The following THNSL1 variants were observed in gnomAD, a reference collection of about 807,000 sequenced individuals.
The protein encoded by THNSL1 is threonine synthase-like 1.
THNSL1 carries 48 observed loss-of-function variants against 50.4 expected under a neutral mutation model. The observed-to-expected ratio is 0.95, with a 90% CI of 0.76 to 1.21. THNSL1 has a LOEUF of 1.21. Among genes scored for constraint, THNSL1 ranks in the 50% most tolerant of loss-of-function variants. The probability of loss-of-function intolerance (pLI) is 0.00; values close to 1 mark genes in which losing one functional copy is unlikely to be tolerated. For missense variants in THNSL1, 896 were observed against 871.7 expected (o/e 1.03, Z -0.35); for synonymous variants, 309 against 306.1 (o/e 1.01, Z -0.10).
At position 25,018,666 on chromosome 10, in the gene THNSL1, T is replaced by G. The variant is rs1453082368; in HGVS notation, c.-216+1974T>G. ...CATAAACAAATGAGAGTTGTTTTTT[T>G]TTTTTTTTTTTTTGCGAAGGATTAT... On this transcript the variant is annotated intron_variant, in intron 1 of 2. Transcript: ENST00000376356. 1.2e-3 allele frequency among the ~76,000 whole-genome samples: 178 copies of G among 151,260 alleles called. 3 individuals carry two copies. The highest frequency in any genetic ancestry group is 4.1e-3 in the African/African-American group (170 of 41,302).
chr10:25,023,265 A>G lies in THNSL1; in HGVS notation c.42A>G (p.Thr14=). 1 of 1,613,866 alleles carries G rather than the reference A, an allele frequency of 6.2e-7. No homozygotes were observed. Among genetic ancestry groups the G allele is most frequent in the Non-Finnish European group, 8.5e-7 (1 of 1,179,886 alleles). Residue 14 remains threonine, a synonymous_variant, in exon 3 of 3, where the codon ACA becomes ACG. Transcript: ENST00000376356. ...GATGTCATCATCTGAAAAAGATAACACAGAAATGTTTTTCTAGTATACATG... is the reference window on the plus strand; with the variant it reads ...GATGTCATCATCTGAAAAAGATAACGCAGAAATGTTTTTCTAGTATACATG... The part of the protein sequence containing the change: ...FNRCHHLKKI[T]QKCFSSIHVK...
In THNSL1 at chr10:25,024,204, T is replaced by C. The variant is rs901431686; in HGVS notation, c.981T>C (p.Ile327=). The C allele has an allele frequency of 9.9e-6, 16 of 1,614,112 alleles. No individual in the cohort carries two copies. In the Admixed American group the frequency reaches 2.0e-4, roughly 20 times the overall value. The change falls in exon 3 of 3, where the codon ATT becomes ATC. Residue 327 remains isoleucine (I), a synonymous_variant. Coordinates refer to ENST00000376356, the MANE Select transcript of THNSL1 (RefSeq NM_024838.5). Reference sequence around the variant, plus strand: ...GGGAAAACTTTGCCTGCTCAAAAATTGCTCCTGTCAGGCACCTTTCAGGCA... The same window carrying C: ...GGGAAAACTTTGCCTGCTCAAAAATCGCTCCTGTCAGGCACCTTTCAGGCA... ...AYGENFACSK[I]APVRHLSGNQ...
At position 25,025,066 on chromosome 10, in the gene THNSL1, G is replaced by A. The variant is rs778067840; in HGVS notation, c.1843G>A (p.Val615Ile). ...ALVEKLQQDF[V>I]ADWCSEGECL... ...AGTTGAGAAACTTCAGCAGGATTTT[G>A]TAGCTGACTGGTGCTCTGAGGGAGA... The change falls in exon 3 of 3, where the codon GTA (valine) becomes ATA (isoleucine). Residue 615 changes from valine to isoleucine, a missense_variant. Physicochemically the swap from Val to Ile is conservative, Grantham distance 29 (BLOSUM62 3). Transcript: ENST00000376356. The A allele has an allele frequency of 1.1e-5, 18 of 1,614,072 alleles. No individual in the cohort carries two copies. Among genetic ancestry groups the A allele is most frequent in the South Asian group, 2.2e-5 (2 of 91,084 alleles).
chr10:24,974,567 A>G, the THNSL1 span, among the ~76,000 whole-genome samples: 1 of 152,222 alleles, frequency 6.6e-6, no homozygotes, highest in Non-Finnish European at 1.5e-5. Context: ...TGCAGATTTT[A>G]CAAAGTGGAT....
At chr10:24,991,731 A>G in the THNSL1 span, among the ~76,000 whole-genome samples, 4 of 152,196 alleles carry the variant, frequency 2.6e-5, no homozygotes, top group Admixed American at 6.5e-5. Flanking sequence ...CTTCAAGTAT[A>G]CCAAGGCAAG....
At position 25,024,321 on chromosome 10, in the gene THNSL1, C is replaced by G; in HGVS notation, c.1098C>G (p.Ile366Met). The G allele has an allele frequency of 6.2e-7, 1 of 1,614,122 alleles. No individual in the cohort carries two copies. The highest frequency in any genetic ancestry group is 8.5e-7 in the Non-Finnish European group (1 of 1,180,022). The part of the protein sequence containing the change: ...QLMPHIFAHC[I>M]PPSCNYMILV... ...TGCCTCATATTTTTGCACACTGTAT[C>G]CCACCAAGTTGCAATTATATGATAC... Residue 366 changes from isoleucine to methionine, a missense_variant, in exon 3 of 3, where the codon ATC becomes ATG. By Grantham distance (10) the Ile-to-Met change is conservative (BLOSUM62 1). Coordinates refer to ENST00000376356, the MANE Select transcript of THNSL1 (RefSeq NM_024838.5).
chr10:24,960,703 A>G, the THNSL1 span, among the ~76,000 whole-genome samples: 2 of 151,102 alleles, frequency 1.3e-5, no homozygotes, highest in African/African-American at 4.9e-5. Context: ...CACCCTCACC[A>G]CGCCTAATCC....
chr10:24,966,560 C>T, the THNSL1 span, among the ~76,000 whole-genome samples: 1 of 152,210 alleles, frequency 6.6e-6, no homozygotes, highest in Non-Finnish European at 1.5e-5. Context: ...GAATCACACT[C>T]TGTTAGAATG....
At chr10:24,995,839 T>G in the THNSL1 span, 2 of 1,610,792 alleles carry the variant, frequency 1.2e-6, no homozygotes, top group Non-Finnish European at 1.7e-6. Context: ...CACAGCAGGC[T>G]TTTTGGGCAC....
At chr10:24,973,456 A>G in the THNSL1 span, among the ~76,000 whole-genome samples, 1 of 152,226 alleles carries the variant, frequency 6.6e-6, no homozygotes, top group Non-Finnish European at 1.5e-5. Context: ...CATGCAGTTT[A>G]AAACATATGG....
the THNSL1 span, among the ~76,000 whole-genome samples, chr10:24,967,934 GTA>G: frequency 6.7e-6 from 1 of 149,112 alleles, no homozygotes; most frequent in African/African-American, 2.4e-5. Flanking sequence ...TGATGTGTGT[GTA>G]TATGTGTGTA....
At chr10:25,009,255 T>TA in the THNSL1 span, among the ~76,000 whole-genome samples, 5,707 of 147,930 alleles carry the variant, frequency 0.039, 248 homozygotes, top group African/African-American at 0.11. Context: ...TAGAGTATAA[T>TA]AAAAAAAAAA....
At position 25,024,053 on chromosome 10, in the gene THNSL1, G is replaced by A. The variant is rs1048534104; in HGVS notation, c.830G>A (p.Cys277Tyr). ...VPAKEFPKLS[C>Y]GEWKSLVGAT... Reference sequence around the variant, plus strand: ...GCAAAGGAGTTTCCAAAATTAAGCTGCGGGGAGTGGAAAAGCCTAGTAGGA... The same window carrying A: ...GCAAAGGAGTTTCCAAAATTAAGCTACGGGGAGTGGAAAAGCCTAGTAGGA... The change falls in exon 3 of 3, where the codon TGC becomes TAC. Residue 277 changes from cysteine to tyrosine, a missense_variant. Coordinates refer to ENST00000376356, the MANE Select transcript of THNSL1 (RefSeq NM_024838.5). The A allele has an allele frequency of 3.7e-6, 6 of 1,614,212 alleles. No individual in the cohort carries two copies. The Admixed American group carries it at 5.0e-5, about 13-fold the overall frequency.
the THNSL1 span, chr10:24,984,762 C>T: frequency 5.0e-6 from 8 of 1,611,972 alleles, no homozygotes; most frequent in South Asian, 7.8e-5. Flanking sequence ...TAATCTTGTG[C>T]TTTTCAATTA....
In THNSL1 at chr10:25,024,831, G is replaced by C. The variant is rs1254476618; in HGVS notation, c.1608G>C (p.Gln536His). 3 of 1,613,998 alleles carry C rather than the reference G, an allele frequency of 1.9e-6. No individual in the cohort carries two copies. In the African/African-American group the frequency reaches 4.0e-5, roughly 22 times the overall value. The change falls in exon 3 of 3, where the codon CAG becomes CAC. Residue 536 changes from glutamine to histidine, a missense_variant. Gln to His is a conservative substitution (Grantham distance 24, BLOSUM62 0). Coordinates refer to ENST00000376356, the MANE Select transcript of THNSL1 (RefSeq NM_024838.5). ...GAAAATTTATCTGTGCCTCTAATCA[G>C]AACCATGTTTTGACTGATTTTATAA... is the stretch of plus-strand genomic sequence containing the variant. ...PIRKFICASN[Q>H]NHVLTDFIKT...
At chr10:25,001,279 T>A in the THNSL1 span, among the ~76,000 whole-genome samples, 752 of 151,992 alleles carry the variant, frequency 4.9e-3, 5 homozygotes, top group Non-Finnish European at 8.4e-3. Flanking sequence ...TCTTCTTCTA[T>A]ATAATTTTTC....
At chr10:24,985,783 T>C in the THNSL1 span, among the ~76,000 whole-genome samples, 1 of 152,244 alleles carries the variant, frequency 6.6e-6, no homozygotes, top group South Asian at 2.1e-4. Flanking sequence ...GGCACATAGA[T>C]TATTTTATTT....
the THNSL1 span, among the ~76,000 whole-genome samples, chr10:24,980,838 T>C: frequency 6.6e-6 from 1 of 152,134 alleles, no homozygotes; most frequent in African/African-American, 2.4e-5. Context: ...TGCCTCAGCC[T>C]CCTGAGTAGC....
chr10:25,020,658 C>T (rs1332495288), intron 1 of THNSL1, among the ~76,000 whole-genome samples: 5 of 151,564 alleles, frequency 3.3e-5, no homozygotes. Context: ...GGAGGATCAC[C>T]TGAGCCCAGG....
Sources: allele counts gnomAD v4.1 joint callset (sites outside exome capture counted in the v4.1 genomes callset), GRCh38; gene constraint gnomAD v4.1.1; transcripts MANE v1.5; gene names NCBI Gene and HGNC (gene_info 2026-07-23, HGNC 2026-07-21).